RGS6: variants seen among roughly 807,000 people sequenced by gnomAD.
RGS6 encodes regulator of G-protein signaling 6.
A neutral mutation model predicts 78.5 loss-of-function variants in RGS6; 30 were observed. The observed-to-expected ratio is 0.38, with a 90% CI of 0.29 to 0.52. The LOEUF (loss-of-function observed/expected upper bound fraction) is 0.52. RGS6 is among the 20% of genes least tolerant of loss of function. The pLI, the probability that RGS6 is intolerant of heterozygous loss-of-function variation, is 0.85. For missense variants in RGS6, 495 were observed against 609.7 expected (o/e 0.81, Z 1.98); for synonymous variants, 206 against 206.0 (o/e 1.00, Z 0.00).
chr14:71,879,548 T>G, the RGS6 span, among the ~76,000 whole-genome samples: 1 of 152,146 alleles, frequency 6.6e-6, no homozygotes, highest in South Asian at 2.1e-4. Flanking sequence ...AATTGACTCA[T>G]GCAGGCAGGC....
chr14:72,425,855 T>C (rs1345956704), intron 3 of RGS6, among the ~76,000 whole-genome samples: 1 of 152,156 alleles, frequency 6.6e-6, no homozygotes, highest in Non-Finnish European at 1.5e-5. Flanking sequence ...TGGCTTATCA[T>C]TGCAAAAAGA....
At chr14:72,371,731 A>G (rs1284339169) in intron 3 of RGS6, among the ~76,000 whole-genome samples, 1 of 152,236 alleles carries the variant, frequency 6.6e-6, no homozygotes, top group Non-Finnish European at 1.5e-5. Flanking sequence ...ATTGCACTCC[A>G]GCCTGGGCAA....
At chr14:72,540,154 C>A (rs778169022) in intron 17 of RGS6, 60 bp downstream of exon 17, 10 of 1,484,886 alleles carry the variant, frequency 6.7e-6, no homozygotes, top group Non-Finnish European at 7.2e-6. Context: ...TTTCTTTCTT[C>A]TTCTTTTTTT....
the RGS6 span, among the ~76,000 whole-genome samples, chr14:72,608,910 T>C: frequency 1.3e-5 from 2 of 151,946 alleles, no homozygotes; most frequent in East Asian, 3.9e-4. Context: ...CTCTCTCTCT[T>C]TCTCTCTCTC....
intron 7 of RGS6, 82 bp downstream of exon 7, chr14:72,465,904 T>G: frequency 3.4e-6 from 4 of 1,161,222 alleles, no homozygotes; most frequent in Non-Finnish European, 5.1e-6. Flanking sequence ...ATTTTTTTTT[T>G]CTTTTGTCCC....
intron 13 of RGS6, among the ~76,000 whole-genome samples, chr14:72,499,205 G>T (rs1409709673): frequency 6.6e-6 from 1 of 152,230 alleles, no homozygotes; most frequent in Non-Finnish European, 1.5e-5. Context: ...ATGAGAGGTG[G>T]GGAGAAAGCT....
chr14:72,503,055 G>A (rs892668533), intron 13 of RGS6, among the ~76,000 whole-genome samples: 2 of 152,182 alleles, frequency 1.3e-5, no homozygotes, highest in African/African-American at 4.8e-5. Context: ...AGGCTGGGAA[G>A]TTCAAGGTCG....
chr14:72,265,954 A>C (rs1219559372), intron 2 of RGS6, among the ~76,000 whole-genome samples: 1 of 109,026 alleles, frequency 9.2e-6, no homozygotes, highest in African/African-American at 3.0e-5. Flanking sequence ...GGGGGGCGGG[A>C]GGCAGGTGGG....
At chr14:72,093,275 T>C (rs897564342) in intron 2 of RGS6, among the ~76,000 whole-genome samples, 2 of 152,168 alleles carry the variant, frequency 1.3e-5, no homozygotes, top group African/African-American at 4.8e-5. Flanking sequence ...AGGATCTCAC[T>C]CTGTCACCCA....
At chr14:72,107,427 C>G (rs767270049) in intron 2 of RGS6, among the ~76,000 whole-genome samples, 25 of 152,180 alleles carry the variant, frequency 1.6e-4, no homozygotes, top group Non-Finnish European at 3.5e-4. Flanking sequence ...ATTACAGGCT[C>G]ATCTTGTGTA....
chr14:72,242,217 G>A (rs1011113084), intron 2 of RGS6, among the ~76,000 whole-genome samples: 14 of 152,170 alleles, frequency 9.2e-5, no homozygotes, highest in African/African-American at 3.4e-4. Flanking sequence ...CTTAACAAAG[G>A]TGAAGGGGGC....
intron 2 of RGS6, among the ~76,000 whole-genome samples, chr14:72,342,436 C>T (rs929337743): frequency 2.6e-5 from 4 of 151,874 alleles, no homozygotes; most frequent in African/African-American, 9.7e-5. Context: ...CATGGTGGCA[C>T]ACACATGTAA....
chr14:72,570,107 T>C (rs1366693863), downstream of RGS6, among the ~76,000 whole-genome samples: 7 of 152,106 alleles, frequency 4.6e-5, no homozygotes, highest in Admixed American at 4.6e-4. Context: ...TCAACAACCA[T>C]GATGAAAAAT....
chr14:71,969,556 T>G (rs947346824), intron 2 of RGS6, among the ~76,000 whole-genome samples: 1 of 152,214 alleles, frequency 6.6e-6, no homozygotes, highest in African/African-American at 2.4e-5. Context: ...GCCTGTCTGG[T>G]CCCAGCTTTG....
At chr14:72,560,797 C>CGTGTGT (rs57504072) in intron 17 of RGS6, among the ~76,000 whole-genome samples, 4,127 of 141,272 alleles carry the variant, frequency 0.029, 67 homozygotes, top group South Asian at 0.062. Flanking sequence ...ATTTTGTGGA[C>CGTGTGT]GTGTGTGTGT....
chr14:72,465,960 T>A, intron 7 of RGS6, 138 bp downstream of exon 7: 2 of 616,278 alleles, frequency 3.2e-6, no homozygotes, highest in South Asian at 4.4e-5. Flanking sequence ...CTTCTATTTC[T>A]CCTCCCTTGT....
At chr14:72,444,900 A>C (rs950228060) in intron 3 of RGS6, among the ~76,000 whole-genome samples, 2 of 15,474 alleles carry the variant, frequency 1.3e-4, no homozygotes, top group Non-Finnish European at 2.7e-4. Context: ...AATGACTCAG[A>C]GACCTGCCTG....
At chr14:72,437,659 T>A (rs1178792941) in intron 3 of RGS6, among the ~76,000 whole-genome samples, 1 of 152,216 alleles carries the variant, frequency 6.6e-6, no homozygotes, top group Non-Finnish European at 1.5e-5. Flanking sequence ...TTGGGAACAT[T>A]CTTAGCGTGT....
rs115506563 is a variant in RGS6, at chr14:72,477,985, C to T, written c.793-283C>T. Among the ~76,000 whole-genome samples, 975 of 152,108 alleles carry T rather than the reference C, an allele frequency of 6.4e-3. 6 individuals carry two copies. The highest frequency in any genetic ancestry group is 0.022 in the African/African-American group (923 of 41,464). Reference sequence around the variant, plus strand: ...ACCTGTCCATGCTGTTGCTAAGCTACGTAGAAAATACATTGCCTTTAAATT... The same window carrying T: ...ACCTGTCCATGCTGTTGCTAAGCTATGTAGAAAATACATTGCCTTTAAATT... On this transcript the variant is annotated intron_variant, in intron 11 of 17. Transcript: ENST00000553525.
Sources: allele counts gnomAD v4.1 joint callset (sites outside exome capture counted in the v4.1 genomes callset), GRCh38; gene constraint gnomAD v4.1.1; transcripts MANE v1.5; gene names NCBI Gene and HGNC (gene_info 2026-07-23, HGNC 2026-07-21).